Variants in CAST observed in about 807,000 individuals in gnomAD.
CAST encodes the protein calpastatin, also known as MIR583 host.
A neutral mutation model predicts 119.6 loss-of-function variants in CAST; 76 were observed. That is an observed-to-expected ratio of 0.64 (90% CI 0.53 to 0.77). CAST has a LOEUF of 0.77. CAST is among the 30% of genes least tolerant of loss of function. CAST has a pLI of 0.00. For synonymous variants in CAST, 319 were observed against 331.6 expected, an observed-to-expected ratio of 0.96 and a Z score of 0.41; for missense variants, 953 against 946.5, an observed-to-expected ratio of 1.01 and a Z score of -0.09.
At position 96,734,532 on chromosome 5, in the gene CAST, G is replaced by A. The variant is rs996979342; in HGVS notation, c.631-1640G>A. Among the ~76,000 whole-genome samples the A allele has an allele frequency of 2.6e-5, 4 of 152,216 alleles. No individual in the cohort carries two copies. The South Asian group carries it at 6.2e-4, about 24-fold the overall frequency. On this transcript the variant is annotated intron_variant, in intron 9 of 31. Coordinates refer to ENST00000675179, the MANE Select transcript of CAST (RefSeq NM_001750.7). ...GCAGAGCAAAAATCTTCAGGTTTTA[G>A]GAAATGATTGACAGAAGTGGGCAAA... is the stretch of plus-strand genomic sequence containing the variant.
the CAST span, among the ~76,000 whole-genome samples, chr5:96,491,837 A>C: frequency 1.3e-5 from 2 of 152,250 alleles, no homozygotes; most frequent in African/African-American, 4.8e-5. Context: ...AGATGAACTA[A>C]AACTACAATG....
chr5:96,545,605 T>A (rs1745995904), intron 1 of CAST, among the ~76,000 whole-genome samples: 1 of 152,360 alleles, frequency 6.6e-6, no homozygotes, highest in African/African-American at 2.4e-5. Flanking sequence ...CAGGGCTGTG[T>A]TGGTCTCTGC....
chr5:96,627,185 C>T (rs1747739393), intron 1 of CAST, among the ~76,000 whole-genome samples: 1 of 152,196 alleles, frequency 6.6e-6, no homozygotes, highest in Non-Finnish European at 1.5e-5. Flanking sequence ...AGGTCTACCA[C>T]AACATAGTTG....
chr5:96,226,530 G>A, the CAST span, among the ~76,000 whole-genome samples: 1 of 152,052 alleles, frequency 6.6e-6, no homozygotes, highest in Admixed American at 6.5e-5. Flanking sequence ...GGTGGCACGT[G>A]CCTGTAGTCC....
the CAST span, among the ~76,000 whole-genome samples, chr5:96,406,540 C>A: frequency 6.6e-6 from 1 of 152,122 alleles, no homozygotes; most frequent in African/African-American, 2.4e-5. Context: ...CCTTGCTTAG[C>A]CACTGTAGCC....
intron 19 of CAST, 45 bp from the exon 20 acceptor site, chr5:96,750,542 C>T: frequency 7.9e-7 from 1 of 1,270,208 alleles, no homozygotes; most frequent in Non-Finnish European, 1.2e-6. Flanking sequence ...GTCTTATTAA[C>T]CAAATATTTC....
chr5:96,025,742 T>G, the CAST span, among the ~76,000 whole-genome samples: 1 of 152,208 alleles, frequency 6.6e-6, no homozygotes, highest in East Asian at 1.9e-4. Context: ...TAACTGGGGC[T>G]GTCAAGGAAG....
chr5:96,211,346 G>C, the CAST span, among the ~76,000 whole-genome samples: 2 of 151,856 alleles, frequency 1.3e-5, no homozygotes, highest in African/African-American at 4.8e-5. Context: ...AGAGCTTTTG[G>C]TATGAATTAG....
At chr5:96,729,893 A>G (rs769395819) in intron 8 of CAST, among the ~76,000 whole-genome samples, 168 bp downstream of exon 8, 1 of 152,226 alleles carries the variant, frequency 6.6e-6, no homozygotes, top group African/African-American at 2.4e-5. Flanking sequence ...ATAGACTTGT[A>G]GGAACTTGGA....
At chr5:96,730,466 A>G (rs1297934485) in intron 8 of CAST, among the ~76,000 whole-genome samples, 2 of 152,216 alleles carry the variant, frequency 1.3e-5, no homozygotes, top group Non-Finnish European at 2.9e-5. Flanking sequence ...AAATCAGACT[A>G]TCTAGTAAGA....
the CAST span, among the ~76,000 whole-genome samples, chr5:96,213,079 A>G: frequency 6.6e-6 from 1 of 152,148 alleles, no homozygotes; most frequent in African/African-American, 2.4e-5. Context: ...TGATCATGCC[A>G]CTGCACTCCA....
At chr5:96,711,398 C>T (rs974319461) in intron 3 of CAST, among the ~76,000 whole-genome samples, 3 of 152,128 alleles carry the variant, frequency 2.0e-5, no homozygotes, top group Admixed American at 6.5e-5. Context: ...TTCAGTCTAG[C>T]AGCACGTATA....
At chr5:96,218,495 C>A in the CAST span, among the ~76,000 whole-genome samples, 4 of 151,896 alleles carry the variant, frequency 2.6e-5, no homozygotes, top group African/African-American at 9.7e-5. Flanking sequence ...ATATTTCTCT[C>A]CCAGTCTTCT....
the CAST span, chr5:96,398,959 G>A: frequency 1.9e-6 from 3 of 1,612,390 alleles, no homozygotes; most frequent in Admixed American, 3.3e-5. Context: ...ATGCTCCAGG[G>A]ACTTGATAGC....
chr5:96,534,453 G>A (rs909946625), intron 1 of CAST, among the ~76,000 whole-genome samples: 1 of 151,650 alleles, frequency 6.6e-6, no homozygotes, highest in Non-Finnish European at 1.5e-5. Context: ...GGCGGATTAC[G>A]AGGTCAAGAG....
At chr5:96,654,634 T>C (rs1271507913) in intron 1 of CAST, among the ~76,000 whole-genome samples, 1 of 152,168 alleles carries the variant, frequency 6.6e-6, no homozygotes, top group East Asian at 1.9e-4. Context: ...TTGACTACAC[T>C]CAGATGTTAT....
the CAST span, among the ~76,000 whole-genome samples, chr5:96,137,431 C>T: frequency 6.6e-6 from 1 of 152,110 alleles, no homozygotes; most frequent in South Asian, 2.1e-4. Flanking sequence ...TTCTTACCAT[C>T]TTCCAGATTT....
the CAST span, among the ~76,000 whole-genome samples, chr5:96,337,533 A>G: frequency 1.3e-5 from 2 of 152,232 alleles, no homozygotes; most frequent in East Asian, 3.8e-4. Flanking sequence ...CTCAGGACAC[A>G]GTAGCTAGGA....
At chr5:96,287,468 A>G in the CAST span, among the ~76,000 whole-genome samples, 1 of 151,932 alleles carries the variant, frequency 6.6e-6, no homozygotes, top group Non-Finnish European at 1.5e-5. Context: ...TCAGACCTAT[A>G]TTTTTCCAAG....
Sources: gnomAD v4.1 joint callset for allele counts (sites outside exome capture counted in the v4.1 genomes callset) on GRCh38, gnomAD v4.1.1 for gene constraint, MANE v1.5 for transcripts, NCBI Gene and HGNC (gene_info 2026-07-23, HGNC 2026-07-21) for gene names.